PLG: variants seen among roughly 807,000 people sequenced by gnomAD.
PLG encodes plasmin.
PLG carries 41 observed loss-of-function variants against 104.4 expected under a neutral mutation model. The ratio of observed to expected loss-of-function variants is 0.39; its 90% CI spans 0.31 to 0.51. The LOEUF is 0.51. Among genes scored for constraint, PLG ranks in the 20% least tolerant of loss-of-function variants. The pLI, the probability that PLG is intolerant of heterozygous loss-of-function variation, is 0.76. For missense variants in PLG, 891 were observed against 1,003.6 expected (o/e 0.89, Z 1.52); for synonymous variants, 337 against 357.1 (o/e 0.94, Z 0.63).
chr6:160,719,853 A>G lies in PLG; in HGVS notation c.1096+1015A>G, dbSNP rs1415403795. ...CTTCTACTATGTCACAGATCTCACA[A>G]TACATTGACACTATTTTTGCCCTAA... On this transcript the variant is annotated intron_variant, in intron 9 of 18. Coordinates refer to ENST00000308192, the MANE Select transcript of PLG (RefSeq NM_000301.5). The surrounding 1 kb of genome is among the most constrained non-coding windows in gnomAD (Gnocchi z 4.1). Among the ~76,000 whole-genome samples the G allele has an allele frequency of 6.6e-6, 1 of 152,032 alleles. No homozygotes were observed. Among genetic ancestry groups the G allele is most frequent in the Non-Finnish European group, 1.5e-5 (1 of 68,024 alleles).
chr6:160,716,166 G>C (rs992242592), intron 6 of PLG, among the ~76,000 whole-genome samples: 3 of 152,306 alleles, frequency 2.0e-5, no homozygotes, highest in Non-Finnish European at 2.9e-5. Context: ...TTTAGGCAGG[G>C]AGCACTTTAC....
chr6:160,745,558 G>C (rs1409470474), intron 17 of PLG, among the ~76,000 whole-genome samples: 1 of 152,096 alleles, frequency 6.6e-6, no homozygotes, highest in East Asian at 1.9e-4. Context: ...ATGTGAGATG[G>C]GTCTCTTGAA....
At position 160,738,279 on chromosome 6, in the gene PLG, G is replaced by A. The variant is rs1778122165; in HGVS notation, c.1803-259G>A. Among the ~76,000 whole-genome samples the A allele has an allele frequency of 6.6e-6, 1 of 152,178 alleles. No homozygotes were observed. The highest frequency in any genetic ancestry group is 1.5e-5 in the Non-Finnish European group (1 of 68,028). On this transcript the variant is annotated intron_variant, in intron 14 of 18. Coordinates refer to ENST00000308192, the MANE Select transcript of PLG (RefSeq NM_000301.5). The surrounding 1 kb of genome is among the most constrained non-coding windows in gnomAD (Gnocchi z 6.8). ...GTAGAGCTTCATGCGGAGTTACTTA[G>A]CTTTGCTCTCCTGTGGACAGGCCAT...
intron 9 of PLG, among the ~76,000 whole-genome samples, chr6:160,721,767 G>T (rs1191210037): frequency 6.6e-6 from 1 of 152,174 alleles, no homozygotes; most frequent in Non-Finnish European, 1.5e-5. Flanking sequence ...CAGTGTTCTT[G>T]TGCCTCCTTC....
intron 10 of PLG, among the ~76,000 whole-genome samples, chr6:160,730,173 C>T (rs575461228): frequency 1.3e-5 from 2 of 152,364 alleles, no homozygotes; most frequent in Non-Finnish European, 2.9e-5. Flanking sequence ...GCCCGGGGTC[C>T]TCGCCTGCTT....
At chr6:160,745,534 A>G (rs141716713) in intron 17 of PLG, among the ~76,000 whole-genome samples, 310 of 152,208 alleles carry the variant, frequency 2.0e-3, no homozygotes, top group African/African-American at 6.5e-3. Context: ...TTCTGAGCCT[A>G]TGGGTGTCAT....
chr6:160,704,178 A>G (rs1195332527), intron 1 of PLG, among the ~76,000 whole-genome samples: 1 of 152,226 alleles, frequency 6.6e-6, no homozygotes, highest in Non-Finnish European at 1.5e-5. Context: ...CCAGCAAATA[A>G]GCCCTATCAA....
At chr6:160,716,800 C>A in intron 7 of PLG, 37 bp downstream of exon 7, 1 of 1,208,288 alleles carries the variant, frequency 8.3e-7, no homozygotes, top group Non-Finnish European at 1.2e-6. Flanking sequence ...AGGATTTGGA[C>A]CTGCCCTGTT....
rs896678374 is a variant in PLG, at chr6:160,737,451, A to G, written c.1802+444A>G. Among the ~76,000 whole-genome samples, 2 of 152,210 alleles carry G rather than the reference A, an allele frequency of 1.3e-5. No individual in the cohort carries two copies. The highest frequency in any genetic ancestry group is 2.4e-5 in the African/African-American group (1 of 41,460). On this transcript the variant is annotated intron_variant, in intron 14 of 18. Coordinates refer to ENST00000308192, the MANE Select transcript of PLG (RefSeq NM_000301.5). This position sits in a 1 kb window ranked among gnomAD's most constrained non-coding sequence, Gnocchi z 4.7. ...AGGCACAGATTCTTTTTCTTTGGAC[A>G]CTTTCGTGAATCATTGAATTCAATG...
intron 3 of PLG, 169 bp downstream of exon 3, chr6:160,707,975 T>C (rs1777563562): frequency 7.8e-6 from 5 of 641,184 alleles, no homozygotes; most frequent in Non-Finnish European, 1.4e-5. Flanking sequence ...CCATGTCAGC[T>C]TGAGTGTATT....
At chr6:160,710,497 T>C (rs1270569810) in intron 3 of PLG, among the ~76,000 whole-genome samples, 1 of 151,696 alleles carries the variant, frequency 6.6e-6, no homozygotes, top group Non-Finnish European at 1.5e-5. Flanking sequence ...GTCTAACTGG[T>C]GAGTTGGTTG....
In PLG at chr6:160,735,098, A is replaced by G. The variant is rs1196984436; in HGVS notation, c.1681+1010A>G. Among the ~76,000 whole-genome samples, 1 of 152,160 alleles carries G rather than the reference A, an allele frequency of 6.6e-6. No individual in the cohort carries two copies. The highest frequency in any genetic ancestry group is 1.5e-5 in the Non-Finnish European group (1 of 68,024). ...GTATGAAAGATTCTACTTGGCCAAT[A>G]TTATTGTAATGCGGCATTGTGATCT... On this transcript the variant is annotated intron_variant, in intron 13 of 18. Transcript: ENST00000308192. The surrounding 1 kb of genome is among the most constrained non-coding windows in gnomAD (Gnocchi z 5.4).
At chr6:160,728,581 C>G (rs1777954488) in intron 10 of PLG, among the ~76,000 whole-genome samples, 2 of 151,966 alleles carry the variant, frequency 1.3e-5, no homozygotes, top group African/African-American at 4.8e-5. Flanking sequence ...ATGGATGGTC[C>G]AGAAACAGAT....
intron 4 of PLG, chr6:160,711,653 T>C: frequency 6.2e-7 from 1 of 1,610,798 alleles, no homozygotes; most frequent in Non-Finnish European, 8.5e-7. Context: ...TTGCTTTCTA[T>C]TTTTTCTTGG....
intron 12 of PLG, among the ~76,000 whole-genome samples, chr6:160,733,115 C>T (rs1185858229): frequency 6.6e-6 from 1 of 152,148 alleles, no homozygotes; most frequent in African/African-American, 2.4e-5. Context: ...CTCAGGAACC[C>T]CCAAGGGATT....
chr6:160,703,358 T>G (rs1328079039), intron 1 of PLG, among the ~76,000 whole-genome samples: 1 of 151,984 alleles, frequency 6.6e-6, no homozygotes, highest in Non-Finnish European at 1.5e-5. Flanking sequence ...ATATTGAGAG[T>G]TGTGCAGCCA....
At chr6:160,750,333 T>C (rs1440398591) in intron 17 of PLG, among the ~76,000 whole-genome samples, 2 of 152,310 alleles carry the variant, frequency 1.3e-5, no homozygotes, top group East Asian at 3.9e-4. Flanking sequence ...GTGGCCTTTC[T>C]GCCCTCAGAG....
chr6:160,704,829 G>A (rs1777487803), intron 1 of PLG, among the ~76,000 whole-genome samples: 1 of 152,180 alleles, frequency 6.6e-6, no homozygotes, highest in Non-Finnish European at 1.5e-5. Context: ...TCCCTGTCCT[G>A]CCCCTTGTGC....
In PLG at chr6:160,724,436, G is replaced by A. The variant is rs569818610; in HGVS notation, c.1256+1869G>A. ...ACTGCAGCACACACATACAAAGACT[G>A]AAAAGATAAAGAAACAGAGCCTCAA... On this transcript the variant is annotated intron_variant, in intron 10 of 18. Coordinates refer to ENST00000308192, the MANE Select transcript of PLG (RefSeq NM_000301.5). The surrounding 1 kb of genome is among the most constrained non-coding windows in gnomAD (Gnocchi z 5.0). Among the ~76,000 whole-genome samples the A allele has an allele frequency of 4.5e-4, 68 of 151,882 alleles. No homozygotes were observed. Among genetic ancestry groups the A allele is most frequent in the Non-Finnish European group, 9.6e-4 (65 of 67,970 alleles).
Sources: allele counts gnomAD v4.1 joint callset (sites outside exome capture counted in the v4.1 genomes callset), GRCh38; gene constraint gnomAD v4.1.1; non-coding constraint Gnocchi (gnomAD v3.1); transcripts MANE v1.5; gene names NCBI Gene and HGNC (gene_info 2026-07-23, HGNC 2026-07-21).